FBH1: variants seen among roughly 807,000 people sequenced by gnomAD.
The protein encoded by FBH1 is F-box DNA helicase 1.
In FBH1, 43 loss-of-function variants were observed where a neutral mutation model predicts 115.5. That is an observed-to-expected ratio of 0.37 (90% CI 0.29 to 0.48). FBH1 has a LOEUF of 0.48. FBH1 is among the 20% of genes least tolerant of loss of function. The pLI, the probability that FBH1 is intolerant of heterozygous loss-of-function variation, is 0.99. For synonymous variants in FBH1, 524 were observed against 507.8 expected, an observed-to-expected ratio of 1.03 and a Z score of -0.43; for missense variants, 1,001 against 1,337.3, an observed-to-expected ratio of 0.75 and a Z score of 3.92.
chr10:5,925,659 T>TA lies in FBH1; in HGVS notation c.2722+168dup, dbSNP rs1012153338. Among the ~76,000 whole-genome samples the TA allele has an allele frequency of 6.6e-6, 1 of 152,132 alleles. No homozygotes were observed. The highest frequency in any genetic ancestry group is 2.4e-5 in the African/African-American group (1 of 41,428). The stretch of plus-strand genomic sequence containing the variant: ...CTCCTAGTCCTAAACTTTTGATTCT[T>TA]ATACTGTGGTTTTTTAAAAAACAAA... On this transcript the variant is annotated intron_variant, in intron 18 of 20. Coordinates refer to ENST00000362091, the MANE Select transcript of FBH1 (RefSeq NM_178150.3). The surrounding 1 kb of genome is among the most constrained non-coding windows in gnomAD (Gnocchi z 4.6).
Position 5,936,727 on chromosome 10 carries a change from A to C in FBH1, c.2961+140A>C. On this transcript the variant is annotated intron_variant, in intron 20 of 20. Transcript: ENST00000362091. This position sits in a 1 kb window ranked among gnomAD's most constrained non-coding sequence, Gnocchi z 5.6. ...AGGGGCTTTTCATATGAGAGGCACAAGAGGTGTGTGGTCTGTCCCAGGGTC... is the reference window on the plus strand; with the variant it reads ...AGGGGCTTTTCATATGAGAGGCACACGAGGTGTGTGGTCTGTCCCAGGGTC... The C allele has an allele frequency of 8.9e-7, 1 of 1,120,940 alleles. No homozygotes were observed. The highest frequency in any genetic ancestry group is 1.3e-6 in the Non-Finnish European group (1 of 784,000). 69.4% of individuals were successfully genotyped at this position (1,120,940 alleles called of 1,614,324 possible). A position where few individuals can be genotyped will look rare whatever the true frequency, so the allele number is the denominator to read the frequency against.
intron 15 of FBH1, among the ~76,000 whole-genome samples, chr10:5,922,935 G>C (rs957208066): frequency 3.9e-5 from 6 of 152,198 alleles, no homozygotes; most frequent in Non-Finnish European, 7.3e-5. Context: ...CCAGGCTGGA[G>C]TGCAATGGTG....
At chr10:5,894,134 T>C in intron 1 of FBH1, 2 of 985,400 alleles carry the variant, frequency 2.0e-6, no homozygotes, top group Non-Finnish European at 2.4e-6. Flanking sequence ...CAGGCTGTGG[T>C]AGCCTGGCTC....
chr10:5,894,475 T>C, intron 1 of FBH1: 1 of 1,290,924 alleles, frequency 7.7e-7, no homozygotes, highest in Non-Finnish European at 1.1e-6. Context: ...GGTTCTTGTG[T>C]TGGCACCATC....
upstream of FBH1, chr10:5,889,903 C>T (rs1428920663): frequency 1.2e-5 from 2 of 164,722 alleles, no homozygotes; most frequent in Non-Finnish European, 2.6e-5. Context: ...CAGCCTCCAG[C>T]CCCTGGGGGC....
intron 2 of FBH1, 67 bp from the exon 3 acceptor site, chr10:5,905,970 A>G: frequency 8.7e-7 from 1 of 1,154,650 alleles, no homozygotes; most frequent in African/African-American, 1.5e-5. Flanking sequence ...TGTGTCTTAT[A>G]TGGATTAACA....
rs182337946 is a variant in FBH1, at chr10:5,933,377, G to T, written c.2830-3079G>T. ...CACTCCAGTGTGGGCAACAAAGTGA[G>T]ACTCTGTCTCAAAACAAACAAACAA... On this transcript the variant is annotated intron_variant, in intron 19 of 20. Transcript: ENST00000362091. The surrounding 1 kb of genome is among the most constrained non-coding windows in gnomAD (Gnocchi z 4.9). 4.8e-3 allele frequency among the ~76,000 whole-genome samples: 733 copies of T among 152,302 alleles called. 8 individuals carry two copies. The highest frequency in any genetic ancestry group is 9.1e-3 in the Admixed American group (139 of 15,298).
At chr10:5,920,996 T>A (rs1832277662) in intron 13 of FBH1, among the ~76,000 whole-genome samples, 1 of 152,332 alleles carries the variant, frequency 6.6e-6, no homozygotes, top group Non-Finnish European at 1.5e-5. Context: ...TTTTGTATGA[T>A]TTAGACTTCA....
chr10:5,915,811 G>A lies in FBH1; in HGVS notation c.1565+240G>A, dbSNP rs372523870. On this transcript the variant is annotated intron_variant, in intron 9 of 20. Transcript: ENST00000362091. The surrounding 1 kb of genome is among the most constrained non-coding windows in gnomAD (Gnocchi z 5.2). ...AGAGGGGTGTTCTCATGGAAGTGAG[G>A]CACAGAAAGTCAAAATGACTTGCTT... 2.0e-4 allele frequency: 107 copies of A among 532,984 alleles called. No individual in the cohort carries two copies. The East Asian group carries it at 2.7e-3, about 14-fold the overall frequency. The allele number at this position is 532,984 out of a possible 1,614,324, so 33.0% of individuals were successfully genotyped here. A position where few individuals can be genotyped will look rare whatever the true frequency, so the allele number is the denominator to read the frequency against.
In FBH1 at chr10:5,936,659, G is replaced by C. The variant is rs1028098075; in HGVS notation, c.2961+72G>C. On this transcript the variant is annotated intron_variant, in intron 20 of 20. Coordinates refer to ENST00000362091, the MANE Select transcript of FBH1 (RefSeq NM_178150.3). The surrounding 1 kb of genome is among the most constrained non-coding windows in gnomAD (Gnocchi z 5.6). Reference sequence around the variant, plus strand: ...GCTTGTGAGCTCTGTGCTTATCTGGGTTGTAGGTGAGGAGATAAGAGAGAG... The same window carrying C: ...GCTTGTGAGCTCTGTGCTTATCTGGCTTGTAGGTGAGGAGATAAGAGAGAG... 3.8e-6 allele frequency: 6 copies of C among 1,577,178 alleles called. No individual in the cohort carries two copies. Among genetic ancestry groups the C allele is most frequent in the Admixed American group, 1.7e-5 (1 of 59,498 alleles).
At position 5,897,377 on chromosome 10, in the gene FBH1, G is replaced by T. The variant is rs550065255; in HGVS notation, c.2-5643G>T. On this transcript the variant is annotated intron_variant, in intron 1 of 20. Coordinates refer to ENST00000362091, the MANE Select transcript of FBH1 (RefSeq NM_178150.3). This position sits in a 1 kb window ranked among gnomAD's most constrained non-coding sequence, Gnocchi z 4.7. Reference sequence around the variant, plus strand: ...TGTAAAGCGTGTAATTGCAGAGGAGGTGGACACAGGGCTCCTGCGGAGGAG... The same window carrying T: ...TGTAAAGCGTGTAATTGCAGAGGAGTTGGACACAGGGCTCCTGCGGAGGAG... 3.2e-4 allele frequency among the ~76,000 whole-genome samples: 48 copies of T among 150,698 alleles called. No individual in the cohort carries two copies. The South Asian group carries it at 0.01, about 32-fold the overall frequency.
chr10:5,922,636 G>A lies in FBH1; in HGVS notation c.2323-985G>A, dbSNP rs191733587. Among the ~76,000 whole-genome samples, 413 of 152,302 alleles carry A rather than the reference G, an allele frequency of 2.7e-3. 2 individuals are homozygous for A. Among genetic ancestry groups the A allele is most frequent in the African/African-American group, 9.6e-3 (399 of 41,558 alleles). On this transcript the variant is annotated intron_variant, in intron 15 of 20. Transcript: ENST00000362091. ...CTGGTTGTGGGTTATAATGTCAACT[G>A]TGTTATTTTGCCCGCTGTTTTATGT...
At position 5,916,348 on chromosome 10, in the gene FBH1, A is replaced by G. The variant is rs1831935760; in HGVS notation, c.1680A>G (p.Leu560=). ...FIRAKLVCKT[L]ENFFASADEE... ...GAGCCAAGCTTGTGTGTAAGACTCT[A>G]GAAAACTTCTTTGCCTCGGCTGACG... Residue 560 remains leucine (L), a synonymous_variant, in exon 10 of 21, where the codon CTA becomes CTG. Coordinates refer to ENST00000362091, the MANE Select transcript of FBH1 (RefSeq NM_178150.3). The G allele has an allele frequency of 1.2e-6, 2 of 1,614,264 alleles. No individual in the cohort carries two copies. Among genetic ancestry groups the G allele is most frequent in the Non-Finnish European group, 1.7e-6 (2 of 1,180,052 alleles).
In FBH1 at chr10:5,932,265, G is replaced by A. The variant is rs780170425; in HGVS notation, c.2830-4191G>A. Among the ~76,000 whole-genome samples the A allele has an allele frequency of 3.3e-5, 5 of 152,168 alleles. No homozygotes were observed. The highest frequency in any genetic ancestry group is 7.2e-5 in the African/African-American group (3 of 41,422). ...TAAACAATTAGCGATTAATCCTTCA[G>A]TATTTCTTTATGCAAGTATTAGCAA... On this transcript the variant is annotated intron_variant, in intron 19 of 20. Transcript: ENST00000362091. This position sits in a 1 kb window ranked among gnomAD's most constrained non-coding sequence, Gnocchi z 5.9.
chr10:5,925,521 C>G lies in FBH1; in HGVS notation c.2722+29C>G. 6.2e-7 allele frequency: 1 copy of G among 1,612,090 alleles called. No individual in the cohort carries two copies. The highest frequency in any genetic ancestry group is 8.5e-7 in the Non-Finnish European group (1 of 1,179,510). ...AGAGGCCGCCGGGTAGTGTCAGGTG[C>G]TGCTGTATGTAGTGAGTGGTGACTG... is the stretch of plus-strand genomic sequence containing the variant. On this transcript the variant is annotated intron_variant, in intron 18 of 20. Coordinates refer to ENST00000362091, the MANE Select transcript of FBH1 (RefSeq NM_178150.3). The surrounding 1 kb of genome is among the most constrained non-coding windows in gnomAD (Gnocchi z 4.6).
Position 5,925,268 on chromosome 10 carries a change from T to C in FBH1, c.2597-99T>C. 6.9e-7 allele frequency: 1 copy of C among 1,458,844 alleles called. No homozygotes were observed. 90.4% of individuals were successfully genotyped at this position (1,458,844 alleles called of 1,614,324 possible). A position where few individuals can be genotyped will look rare whatever the true frequency, so the allele number is the denominator to read the frequency against. The stretch of plus-strand genomic sequence containing the variant: ...TACAAAACTGCACTGAGGCAAGAAA[T>C]GTTCGAGTTCAGAGTCAAGTGGGAA... On this transcript the variant is annotated intron_variant, in intron 17 of 20. Coordinates refer to ENST00000362091, the MANE Select transcript of FBH1 (RefSeq NM_178150.3). This position sits in a 1 kb window ranked among gnomAD's most constrained non-coding sequence, Gnocchi z 4.6.
At chr10:5,899,677 C>G (rs1843224259) in intron 1 of FBH1, among the ~76,000 whole-genome samples, 1 of 152,132 alleles carries the variant, frequency 6.6e-6, no homozygotes, top group Non-Finnish European at 1.5e-5. Flanking sequence ...TGTGGGGCAC[C>G]TCACCCAGGA....
rs1481975385 is a variant in FBH1, at chr10:5,908,995, G to T, written c.824G>T (p.Gly275Val). The change falls in exon 4 of 21, where the codon GGC becomes GTC. Residue 275 changes from glycine (G) to valine (V), a missense_variant. Coordinates refer to ENST00000362091, the MANE Select transcript of FBH1 (RefSeq NM_178150.3). ...NEEQAVSKVD[G>V]ILSNCGIEKE... ...GAGCAAGCTGTCAGCAAAGTGGACGGCATCCTGTCTAACTGTGGCATAGAA... is the reference window on the plus strand; with the variant it reads ...GAGCAAGCTGTCAGCAAAGTGGACGTCATCCTGTCTAACTGTGGCATAGAA... The T allele has an allele frequency of 1.2e-6, 2 of 1,614,206 alleles. No individual in the cohort carries two copies. The highest frequency in any genetic ancestry group is 1.7e-6 in the Non-Finnish European group (2 of 1,180,036).
intron 19 of FBH1, chr10:5,934,970 C>T (rs913229785): frequency 2.0e-5 from 3 of 152,184 alleles, no homozygotes; most frequent in Non-Finnish European, 4.4e-5. Context: ...GTGTGACCCC[C>T]ACCCCTTAAA....
Sources: gnomAD v4.1 joint callset for allele counts (sites outside exome capture counted in the v4.1 genomes callset) on GRCh38, gnomAD v4.1.1 for gene constraint, Gnocchi (gnomAD v3.1) non-coding constraint, MANE v1.5 for transcripts, NCBI Gene and HGNC (gene_info 2026-07-23, HGNC 2026-07-21) for gene names.